PDZD7: variants seen among roughly 807,000 people sequenced by gnomAD.
PDZD7 encodes the protein PDZ domain containing 7.
A neutral mutation model predicts 84.7 loss-of-function variants in PDZD7; 72 were observed. The ratio of observed to expected loss-of-function variants is 0.85; its 90% CI spans 0.70 to 1.03. The LOEUF is 1.03. PDZD7 is among the 50% of genes least tolerant of loss of function. The probability of loss-of-function intolerance (pLI) is 0.00; values close to 1 mark genes in which losing one functional copy is unlikely to be tolerated. For synonymous variants in PDZD7, 594 were observed against 580.7 expected (o/e 1.02, Z -0.33); for missense variants, 1,490 against 1,412.9 (o/e 1.05, Z -0.87).
Position 101,023,501 on chromosome 10 carries a change from C to T in PDZD7, c.477G>A (p.Leu159=). Residue 159 remains leucine, a synonymous_variant, in exon 4 of 17, where the codon CTG becomes CTA. Coordinates refer to ENST00000619208, the MANE Select transcript of PDZD7 (RefSeq NM_001195263.2). ...AVKVLTSSSR[L]HMMVRRMGRV... is the part of the protein sequence containing the mutation. ...GGCCCATGCGCCGAACCATCATGTGCAGGCGGCTGCTGCTGGTCAGCACCT... is the reference window on the plus strand; with the variant it reads ...GGCCCATGCGCCGAACCATCATGTGTAGGCGGCTGCTGCTGGTCAGCACCT... 1 of 1,614,132 alleles carries T rather than the reference C, an allele frequency of 6.2e-7. No homozygotes were observed. The highest frequency in any genetic ancestry group is 1.3e-5 in the African/African-American group (1 of 75,026).
intron 2 of PDZD7, among the ~76,000 whole-genome samples, chr10:101,025,806 T>A: frequency 6.6e-6 from 1 of 150,652 alleles, no homozygotes; most frequent in Admixed American, 6.6e-5. Flanking sequence ...CTTGGCCTCC[T>A]AAAGTGCTGA....
chr10:101,016,575 A>G (rs1852640688), intron 9 of PDZD7, 148 bp from the exon 10 acceptor site: 3 of 785,680 alleles, frequency 3.8e-6, no homozygotes, highest in Non-Finnish European at 6.1e-6. Flanking sequence ...AGGGGCTTGA[A>G]GGCAATGCTC....
chr10:101,029,847 G>A (rs1937973283), intron 2 of PDZD7, 147 bp downstream of exon 2: 2 of 784,558 alleles, frequency 2.5e-6, no homozygotes, highest in Non-Finnish European at 2.1e-6. Flanking sequence ...AAGAGTGTAT[G>A]GGTTCCCAGG....
chr10:101,024,015 C>A lies in PDZD7; in HGVS notation c.280G>T (p.Ala94Ser). ...IHSVRVEKSPAGRLGFSVRGG... is the reference protein window; with the variant it reads ...IHSVRVEKSPSGRLGFSVRGG... ...CGCACGCTGAAGCCCAGCCTCCCTG[C>A]TGGACTCTTCTCCACCCGGACTGAA... Residue 94 changes from alanine to serine, a missense_variant, in exon 3 of 17, where the codon GCA (alanine) becomes TCA (serine). Ala to Ser is a moderately conservative substitution (Grantham distance 99, BLOSUM62 1). Coordinates refer to ENST00000619208, the MANE Select transcript of PDZD7 (RefSeq NM_001195263.2). The A allele has an allele frequency of 6.2e-7, 1 of 1,614,262 alleles. No homozygotes were observed. Among genetic ancestry groups the A allele is most frequent in the Non-Finnish European group, 8.5e-7 (1 of 1,180,050 alleles).
At chr10:101,021,192 G>A (rs1216043080) in intron 6 of PDZD7, among the ~76,000 whole-genome samples, 1 of 152,126 alleles carries the variant, frequency 6.6e-6, no homozygotes, top group Non-Finnish European at 1.5e-5. Flanking sequence ...ATTGGCGGGG[G>A]AAGGCGGCAG....
intron 11 of PDZD7, among the ~76,000 whole-genome samples, chr10:101,015,144 C>G (rs937754058): frequency 1.3e-5 from 2 of 152,224 alleles, no homozygotes; most frequent in East Asian, 3.8e-4. Flanking sequence ...ACTTGGGCAA[C>G]AGGGGAGAGG....
chr10:101,010,062 C>T (rs1033623182), intron 15 of PDZD7, among the ~76,000 whole-genome samples: 1 of 152,012 alleles, frequency 6.6e-6, no homozygotes, highest in Non-Finnish European at 1.5e-5. Flanking sequence ...ACGGCTAATT[C>T]TTTTGTATTT....
intron 10 of PDZD7, 33 bp from the exon 11 acceptor site, chr10:101,015,844 G>A (rs1293845444): frequency 1.3e-6 from 2 of 1,531,616 alleles, no homozygotes; most frequent in Non-Finnish European, 8.8e-7. Flanking sequence ...GGAGGGGAGA[G>A]GGGCTTCCCT....
intron 14 of PDZD7, chr10:101,011,087 C>G: frequency 7.1e-7 from 1 of 1,414,734 alleles, no homozygotes; most frequent in Non-Finnish European, 9.2e-7. Flanking sequence ...CACTCTGTTG[C>G]CCAGGCGTGG....
Position 101,008,853 on chromosome 10 carries a change from A to C in PDZD7, c.2719-3T>G, listed in dbSNP as rs1265150513. The C allele has an allele frequency of 1.4e-5, 21 of 1,486,572 alleles. No homozygotes were observed. The highest frequency in any genetic ancestry group is 1.8e-5 in the Non-Finnish European group (20 of 1,118,746). The allele number at this position is 1,486,572 out of a possible 1,614,324, so 92.1% of individuals were successfully genotyped here. A position where few individuals can be genotyped will look rare whatever the true frequency, so the allele number is the denominator to read the frequency against. On this transcript the variant is annotated splice_polypyrimidine_tract_variant and splice_region_variant and intron_variant, in intron 16 of 16. Coordinates refer to ENST00000619208, the MANE Select transcript of PDZD7 (RefSeq NM_001195263.2). Reference sequence around the variant, plus strand: ...ACTGCCACAAGCTCGAAGCCAGCCTAGGGTGGGGTGAGAGAGTCACATCCC... The same window carrying C: ...ACTGCCACAAGCTCGAAGCCAGCCTCGGGTGGGGTGAGAGAGTCACATCCC...
At chr10:101,011,802 C>T in intron 13 of PDZD7, 41 bp from the exon 14 acceptor site, 2 of 1,550,548 alleles carry the variant, frequency 1.3e-6, no homozygotes, top group South Asian at 1.2e-5. Flanking sequence ...AGGTACCCCG[C>T]CAGGCTCCGG....
At position 101,008,870 on chromosome 10, in the gene PDZD7, T is replaced by G; in HGVS notation, c.2719-20A>C. 2 of 1,469,750 alleles carry G rather than the reference T, an allele frequency of 1.4e-6. No individual in the cohort carries two copies. Among genetic ancestry groups the G allele is most frequent in the Non-Finnish European group, 1.8e-6 (2 of 1,111,526 alleles). The allele number at this position is 1,469,750 out of a possible 1,614,324, so 91.0% of individuals were successfully genotyped here. A position where few individuals can be genotyped will look rare whatever the true frequency, so the allele number is the denominator to read the frequency against. On this transcript the variant is annotated intron_variant, in intron 16 of 16. Transcript: ENST00000619208. Reference sequence around the variant, plus strand: ...GCCAGCCTAGGGTGGGGTGAGAGAGTCACATCCCTCCCTCCTCATGTCACC... The same window carrying G: ...GCCAGCCTAGGGTGGGGTGAGAGAGGCACATCCCTCCCTCCTCATGTCACC...
At position 101,022,266 on chromosome 10, in the gene PDZD7, C is replaced by T; in HGVS notation, c.662G>A (p.Cys221Tyr). The T allele has an allele frequency of 6.8e-6, 11 of 1,614,242 alleles. No individual in the cohort carries two copies. Among genetic ancestry groups the T allele is most frequent in the Non-Finnish European group, 9.3e-6 (11 of 1,180,054 alleles). Residue 221 changes from cysteine to tyrosine, a missense_variant, in exon 5 of 17, where the codon TGC (cysteine) becomes TAC (tyrosine). By Grantham distance (194) the Cys-to-Tyr change is radical. Coordinates refer to ENST00000619208, the MANE Select transcript of PDZD7 (RefSeq NM_001195263.2). ...VHLYTTSDDF[C>Y]LGFNIRGGKE... The stretch of plus-strand genomic sequence containing the variant: ...GCCCCCACGGATGTTGAAGCCCAGG[C>T]AGAAGTCGTCGGAGGTTGTGTATAG...
At chr10:101,028,046 G>A (rs528913105) in intron 2 of PDZD7, among the ~76,000 whole-genome samples, 7 of 152,256 alleles carry the variant, frequency 4.6e-5, no homozygotes, top group Admixed American at 1.3e-4. Flanking sequence ...TTTACTCCCC[G>A]GGAGTGATCT....
chr10:101,030,532 C>G lies in PDZD7; in HGVS notation c.-165-148G>C, dbSNP rs575571454. ...CTCACCCTAGGCCAGAGAACTGCCC[C>G]GTCCAGGCACCATCTTGGACTCTCG... On this transcript the variant is annotated intron_variant, in intron 1 of 16. Transcript: ENST00000619208. 6 of 539,060 alleles carry G rather than the reference C, an allele frequency of 1.1e-5. No individual in the cohort carries two copies. In the African/African-American group the frequency reaches 1.1e-4, roughly 10 times the overall value. The allele number at this position is 539,060 out of a possible 1,614,324, so 33.4% of individuals were successfully genotyped here. A position where few individuals can be genotyped will look rare whatever the true frequency, so the allele number is the denominator to read the frequency against.
Position 101,012,395 on chromosome 10 carries a change from T to C in PDZD7, c.1750-137A>G. The C allele has an allele frequency of 6.8e-6, 5 of 740,000 alleles. No individual in the cohort carries two copies. In the South Asian group the frequency reaches 7.9e-5, roughly 12 times the overall value. The allele number at this position is 740,000 out of a possible 1,614,324, so 45.8% of individuals were successfully genotyped here. A position where few individuals can be genotyped will look rare whatever the true frequency, so the allele number is the denominator to read the frequency against. On this transcript the variant is annotated intron_variant, in intron 11 of 16. Transcript: ENST00000619208. ...CCTGCGTGCCTTGGGAAAGGTTCAC[T>C]CCACCCCCAGCTGCCACAGGGTGGT...
At chr10:101,017,904 G>A (rs1350691292) in intron 9 of PDZD7, 195 bp downstream of exon 9, 1 of 460,310 alleles carries the variant, frequency 2.2e-6, no homozygotes, top group Non-Finnish European at 3.8e-6. Flanking sequence ...AAGAAAGAAA[G>A]AAAGAAAGAA....
In PDZD7 at chr10:101,016,379, C is replaced by T. The variant is rs1178980761; in HGVS notation, c.1571G>A (p.Arg524His). ...TGGTAAAGGGATGCATGAATTACCA[C>T]GTCTCAGTCTCCAGGTGACAAACTT... ...VQKFVTWRLR[R>H]DQERGRALLS... Residue 524 changes from arginine to histidine, a missense_variant and splice_region_variant, in exon 10 of 17, where the codon CGT becomes CAT. Arg to His is a conservative substitution (Grantham distance 29). Coordinates refer to ENST00000619208, the MANE Select transcript of PDZD7 (RefSeq NM_001195263.2). 18 of 1,550,560 alleles carry T rather than the reference C, an allele frequency of 1.2e-5. No individual in the cohort carries two copies. Among genetic ancestry groups the T allele is most frequent in the Admixed American group, 7.8e-5 (4 of 50,990 alleles).
intron 9 of PDZD7, chr10:101,017,725 G>A (rs1852703967): frequency 1.2e-5 from 8 of 642,938 alleles, no homozygotes; most frequent in South Asian, 3.5e-5. Context: ...GGCGCAGGTC[G>A]CAGTGAGCTG....
Sources: allele counts gnomAD v4.1 joint callset (sites outside exome capture counted in the v4.1 genomes callset), GRCh38; gene constraint gnomAD v4.1.1; transcripts MANE v1.5; gene names NCBI Gene and HGNC (gene_info 2026-07-23, HGNC 2026-07-21).